The following AUTS2 variants were observed in gnomAD, a reference collection of about 807,000 sequenced individuals.
AUTS2 encodes autism susceptibility gene 2 protein.
AUTS2 carries 17 observed loss-of-function variants against 112.4 expected under a neutral mutation model. The ratio of observed to expected loss-of-function variants is 0.15; its 90% CI spans 0.10 to 0.23. The LOEUF (loss-of-function observed/expected upper bound fraction) is 0.23. Ranked by LOEUF, AUTS2 falls within the 10% of genes least tolerant of loss-of-function variation. The pLI is 1.00. For synonymous variants in AUTS2, 751 were observed against 702.7 expected (o/e 1.07, Z -1.09); for missense variants, 1,510 against 1,701.6 (o/e 0.89, Z 1.98).
intron 1 of AUTS2, among the ~76,000 whole-genome samples, chr7:69,722,556 G>C (rs2129217358): frequency 6.6e-6 from 1 of 152,110 alleles, no homozygotes; most frequent in Non-Finnish European, 1.5e-5. Flanking sequence ...GGCTGGTCTT[G>C]AACTCCTGGG....
intron 4 of AUTS2, among the ~76,000 whole-genome samples, chr7:70,147,293 A>G (rs1807179445): frequency 6.6e-6 from 1 of 152,166 alleles, no homozygotes; most frequent in Admixed American, 6.6e-5. Flanking sequence ...TTATTTAATA[A>G]TGACGGAAGT....
At chr7:69,921,716 C>A (rs1233184313) in intron 2 of AUTS2, among the ~76,000 whole-genome samples, 1 of 137,560 alleles carries the variant, frequency 7.3e-6, no homozygotes, top group African/African-American at 2.7e-5. Context: ...GAGCCGAGAT[C>A]ACACCACTGC....
At chr7:70,124,297 C>G (rs553640804) in intron 3 of AUTS2, among the ~76,000 whole-genome samples, 1 of 152,196 alleles carries the variant, frequency 6.6e-6, no homozygotes, top group African/African-American at 2.4e-5. Context: ...TTCTCCCATT[C>G]TGTAGGTTGC....
At chr7:69,745,609 A>G (rs189769443) in intron 1 of AUTS2, among the ~76,000 whole-genome samples, 1 of 152,268 alleles carries the variant, frequency 6.6e-6, no homozygotes, top group East Asian at 1.9e-4. Flanking sequence ...TCTTGCATGC[A>G]AATTTAAAAT....
At chr7:69,779,268 G>A (rs56261414) in intron 1 of AUTS2, among the ~76,000 whole-genome samples, 1 of 152,002 alleles carries the variant, frequency 6.6e-6, no homozygotes, top group African/African-American at 2.4e-5. Flanking sequence ...CTATCAGTGA[G>A]CCTGACACAT....
intron 1 of AUTS2, among the ~76,000 whole-genome samples, chr7:69,894,251 C>CAT (rs1215444243): frequency 2.3e-5 from 1 of 44,028 alleles, no homozygotes; most frequent in African/African-American, 1.2e-4. Flanking sequence ...TGCCTTAAAG[C>CAT]GTTTTTTTTT....
rs1805366639 is a variant in AUTS2 at position 70,633,345 on chromosome 7, CAG to C, written c.691-65223_691-65222del. On this transcript the variant is annotated intron_variant, in intron 5 of 18. Transcript: ENST00000342771. The stretch of plus-strand genomic sequence containing the variant: ...AAAGACACAGAACATGGGCCAGGTG[CAG>C]TGGCTCACGCCTGTAAGCCCAGCAC... Among the ~76,000 whole-genome samples, 5 of 152,142 alleles carry C rather than the reference CAG, an allele frequency of 3.3e-5. No individual in the cohort carries two copies. In the South Asian group the frequency reaches 1.0e-3, roughly 32 times the overall value.
chr7:70,463,767 G>A (rs1350899686), intron 5 of AUTS2, among the ~76,000 whole-genome samples: 1 of 152,186 alleles, frequency 6.6e-6, no homozygotes, highest in African/African-American at 2.4e-5. Flanking sequence ...ATCTCATTGT[G>A]CTAGTATGGA....
At chr7:69,715,240 A>G (rs1798546184) in intron 1 of AUTS2, among the ~76,000 whole-genome samples, 1 of 151,780 alleles carries the variant, frequency 6.6e-6, no homozygotes, top group African/African-American at 2.4e-5. Flanking sequence ...AAAAAAAAAA[A>G]AAAAAAGGAA....
Position 70,376,508 on chromosome 7 carries a change from G to A in AUTS2, c.661-59244G>A, listed in dbSNP as rs1308438177. Among the ~76,000 whole-genome samples, 15 of 151,870 alleles carry A rather than the reference G, an allele frequency of 9.9e-5. No individual in the cohort carries two copies. In the South Asian group the frequency reaches 1.0e-3, roughly 11 times the overall value. On this transcript the variant is annotated intron_variant, in intron 4 of 18. Coordinates refer to ENST00000342771, the MANE Select transcript of AUTS2 (RefSeq NM_015570.4). ...CTCATGCCTTAGAGAAACATGGGGG[G>A]ATATCCTGGGTGGGCATGAGTATCA...
chr7:69,886,427 C>T (rs7786073), intron 1 of AUTS2, among the ~76,000 whole-genome samples: 53,571 of 152,008 alleles, frequency 0.35, 9,925 homozygotes, highest in African/African-American at 0.46. Flanking sequence ...AAAAGGACTG[C>T]CTCACATATA....
chr7:69,674,397 T>C (rs1796464635), intron 1 of AUTS2, among the ~76,000 whole-genome samples: 1 of 152,154 alleles, frequency 6.6e-6, no homozygotes, highest in South Asian at 2.1e-4. Flanking sequence ...GGTCTGACTC[T>C]TGAGCTGTGG....
chr7:70,392,346 G>T (rs1379089860), intron 4 of AUTS2, among the ~76,000 whole-genome samples: 1 of 152,164 alleles, frequency 6.6e-6, no homozygotes, highest in Non-Finnish European at 1.5e-5. Context: ...GTGTGCATGT[G>T]TTGTGCTTCA....
chr7:70,263,419 CTA>C (rs761081456), intron 4 of AUTS2, among the ~76,000 whole-genome samples: 1 of 152,118 alleles, frequency 6.6e-6, no homozygotes, highest in African/African-American at 2.4e-5. Flanking sequence ...TTTTTATCCT[CTA>C]GAGAAAATTT....
intron 5 of AUTS2, among the ~76,000 whole-genome samples, chr7:70,598,037 T>A (rs1265956468): frequency 6.6e-6 from 1 of 152,180 alleles, no homozygotes; most frequent in Non-Finnish European, 1.5e-5. Context: ...GCATGCGTTT[T>A]AAAGTTTGCA....
intron 5 of AUTS2, among the ~76,000 whole-genome samples, chr7:70,483,907 A>G (rs1051961064): frequency 1.5e-4 from 23 of 152,232 alleles, no homozygotes; most frequent in Non-Finnish European, 2.8e-4. Context: ...ATTAATTTAA[A>G]GCATGTATAT....
intron 5 of AUTS2, among the ~76,000 whole-genome samples, chr7:70,643,396 C>A (rs1381935595): frequency 1.3e-5 from 2 of 152,140 alleles, no homozygotes; most frequent in African/African-American, 2.4e-5. Context: ...CAGGGTGAAA[C>A]CCCGTCTCTA....
intron 6 of AUTS2, among the ~76,000 whole-genome samples, chr7:70,704,263 A>G (rs1317098558): frequency 6.6e-6 from 1 of 152,170 alleles, no homozygotes; most frequent in East Asian, 1.9e-4. Flanking sequence ...AACCGGGTGG[A>G]AGATTCCAGG....
chr7:70,451,979 T>C (rs1209327964), intron 5 of AUTS2, among the ~76,000 whole-genome samples: 1 of 152,136 alleles, frequency 6.6e-6, no homozygotes, highest in Non-Finnish European at 1.5e-5. Flanking sequence ...CATGAGGCCA[T>C]ATAGCTTTGG....
Sources: gnomAD v4.1 joint callset for allele counts (sites outside exome capture counted in the v4.1 genomes callset) on GRCh38, gnomAD v4.1.1 for gene constraint, MANE v1.5 for transcripts, NCBI Gene and HGNC (gene_info 2026-07-23, HGNC 2026-07-21) for gene names.